ADGRL2: variants seen among roughly 807,000 people sequenced by gnomAD.
ADGRL2 encodes calcium-independent alpha-latrotoxin receptor 2.
A neutral mutation model predicts 157.4 loss-of-function variants in ADGRL2; 44 were observed. That is an observed-to-expected ratio of 0.28 (90% CI 0.22 to 0.36). The LOEUF (loss-of-function observed/expected upper bound fraction) is 0.36, where lower values mean the gene tolerates loss of function less well. Ranked by LOEUF, ADGRL2 falls within the 10% of genes least tolerant of loss-of-function variation. The pLI is 1.00. For synonymous variants in ADGRL2, 585 were observed against 624.7 expected (o/e 0.94, Z 0.95); for missense variants, 1,510 against 1,768.9 (o/e 0.85, Z 2.63).
In ADGRL2 at chr1:81,348,366, C is replaced by T. The variant is rs192289457; in HGVS notation, c.-302+41857C>T. Reference sequence around the variant, plus strand: ...AACAAGGCAACGACAAACTCGTCCTCTGGTAATCAGAATCTACTTTTTGAC... The same window carrying T: ...AACAAGGCAACGACAAACTCGTCCTTTGGTAATCAGAATCTACTTTTTGAC... On this transcript the variant is annotated intron_variant, in intron 1 of 24. Coordinates refer to the ADGRL2 transcript ENST00000370721. 3.9e-5 allele frequency among the ~76,000 whole-genome samples: 6 copies of T among 152,294 alleles called. No homozygotes were observed. In the East Asian group the frequency reaches 1.2e-3, roughly 29 times the overall value.
At chr1:81,960,080 A>G (rs1354657990) in intron 11 of ADGRL2, among the ~76,000 whole-genome samples, 2 of 152,140 alleles carry the variant, frequency 1.3e-5, no homozygotes, top group Admixed American at 6.5e-5. Context: ...GATTACAGGC[A>G]TGAACCACCA....
intron 11 of ADGRL2, among the ~76,000 whole-genome samples, chr1:81,957,497 G>A (rs1156616038): frequency 3.3e-5 from 5 of 151,216 alleles, no homozygotes; most frequent in Admixed American, 6.6e-5. Flanking sequence ...TCTGGAGTTC[G>A]AGGCCAGCCT....
intron 20 of ADGRL2, 87 bp from the exon 21 acceptor site, chr1:81,985,172 G>A (rs895713290): frequency 1.9e-5 from 13 of 680,658 alleles, no homozygotes; most frequent in Non-Finnish European, 3.0e-5. Context: ...TACATAGGTT[G>A]TTTAGGGTAA....
chr1:81,899,118 A>G (rs982395061), intron 2 of ADGRL2, among the ~76,000 whole-genome samples: 2 of 152,212 alleles, frequency 1.3e-5, no homozygotes, highest in Admixed American at 1.3e-4. Context: ...TCTTTATAGT[A>G]CAGCGTAGTA....
At chr1:81,950,580 G>A in intron 7 of ADGRL2, 98 bp downstream of exon 7, 2 of 1,137,072 alleles carry the variant, frequency 1.8e-6, no homozygotes, top group Non-Finnish European at 1.3e-6. Flanking sequence ...GATGTTTACA[G>A]TAGCTAACTT....
At chr1:81,550,073 G>A (rs1439372507) in intron 2 of ADGRL2, among the ~76,000 whole-genome samples, 3 of 152,186 alleles carry the variant, frequency 2.0e-5, no homozygotes, top group African/African-American at 7.2e-5. Flanking sequence ...TGAAACTCCT[G>A]CCATATTGAT....
intron 1 of ADGRL2, among the ~76,000 whole-genome samples, chr1:81,384,853 T>C (rs1261108193): frequency 6.6e-6 from 1 of 152,196 alleles, no homozygotes. Flanking sequence ...TTATCAATTT[T>C]ATCCACTCAC....
At chr1:81,633,907 G>T (rs1489074357) in intron 3 of ADGRL2, among the ~76,000 whole-genome samples, 2 of 152,192 alleles carry the variant, frequency 1.3e-5, no homozygotes, top group East Asian at 3.9e-4. Context: ...TAACATAAAT[G>T]ACTCTGGACT....
intron 1 of ADGRL2, among the ~76,000 whole-genome samples, chr1:81,803,910 C>A (rs2088712406): frequency 6.6e-6 from 1 of 152,170 alleles, no homozygotes; most frequent in African/African-American, 2.4e-5. Context: ...TTGCTCTTTG[C>A]TCAACGAAGT....
chr1:81,777,630 G>C (rs2086639726), intron 2 of ADGRL2, among the ~76,000 whole-genome samples: 1 of 152,066 alleles, frequency 6.6e-6, no homozygotes, highest in Admixed American at 6.5e-5. Flanking sequence ...CGGTGTCATG[G>C]CACATGCCTG....
intron 3 of ADGRL2, among the ~76,000 whole-genome samples, chr1:81,643,983 A>G (rs1356379720): frequency 6.6e-6 from 1 of 152,234 alleles, no homozygotes; most frequent in Non-Finnish European, 1.5e-5. Context: ...AAGACATACC[A>G]TAAATTTACA....
chr1:81,439,022 T>C (rs1416817401), intron 1 of ADGRL2, among the ~76,000 whole-genome samples: 3 of 152,270 alleles, frequency 2.0e-5, no homozygotes, highest in Admixed American at 2.0e-4. Flanking sequence ...GACTTTGCGA[T>C]AGAAACTCCC....
chr1:81,520,330 G>T (rs1405747003), intron 2 of ADGRL2, among the ~76,000 whole-genome samples: 1 of 152,034 alleles, frequency 6.6e-6, no homozygotes, highest in Non-Finnish European at 1.5e-5. Context: ...GGTAGGATTT[G>T]ATAAAGCTGT....
intron 1 of ADGRL2, among the ~76,000 whole-genome samples, chr1:81,345,026 A>G (rs1277704702): frequency 6.6e-6 from 1 of 152,204 alleles, no homozygotes; most frequent in Admixed American, 6.5e-5. Flanking sequence ...TGAAAGAAAT[A>G]GTTACATTGA....
intron 2 of ADGRL2, among the ~76,000 whole-genome samples, chr1:81,447,163 T>C (rs12064465): frequency 0.018 from 2,683 of 151,114 alleles, 80 homozygotes; most frequent in African/African-American, 0.061. Flanking sequence ...AGGTTATTTA[T>C]TGAAGGAAAA....
chr1:81,381,482 G>A (rs776137318), intron 1 of ADGRL2, among the ~76,000 whole-genome samples: 23 of 152,176 alleles, frequency 1.5e-4, no homozygotes, highest in Admixed American at 1.4e-3. Flanking sequence ...GGACAGAGGC[G>A]GGAAGGATCA....
intron 1 of ADGRL2, among the ~76,000 whole-genome samples, chr1:81,439,339 G>C (rs1164001995): frequency 6.6e-6 from 1 of 152,216 alleles, no homozygotes; most frequent in Non-Finnish European, 1.5e-5. Flanking sequence ...GAGCACTGTA[G>C]GTTTGAATCC....
chr1:81,920,085 A>G (rs894354787), intron 3 of ADGRL2, among the ~76,000 whole-genome samples: 6 of 152,284 alleles, frequency 3.9e-5, no homozygotes, highest in African/African-American at 1.4e-4. Flanking sequence ...AGTTAGCCAA[A>G]TAGCCGAGAG....
chr1:81,814,676 T>C lies in ADGRL2; in HGVS notation c.-101+13608T>C, dbSNP rs544191842. Among the ~76,000 whole-genome samples the C allele has an allele frequency of 1.9e-3, 287 of 151,690 alleles. 1 individual carries two copies. The highest frequency in any genetic ancestry group is 6.4e-3 in the African/African-American group (265 of 41,548). The stretch of plus-strand genomic sequence containing the variant: ...AAAATAAACAATATTAGTGTCATTT[T>C]GCCTGTTGTATGTTTCAAAGCCATT... On this transcript the variant is annotated intron_variant, in intron 1 of 23. Coordinates refer to ENST00000686636, the MANE Select transcript of ADGRL2 (RefSeq NM_001366006.2).
Sources: gnomAD v4.1 joint callset for allele counts (sites outside exome capture counted in the v4.1 genomes callset) on GRCh38, gnomAD v4.1.1 for gene constraint, MANE v1.5 for transcripts, NCBI Gene and HGNC (gene_info 2026-07-23, HGNC 2026-07-21) for gene names.